TNFSF8: variants seen among roughly 807,000 people sequenced by gnomAD.
TNFSF8 encodes the protein TNF superfamily member 8, also known as tumor necrosis factor ligand superfamily member 8.
A neutral mutation model predicts 22.0 loss-of-function variants in TNFSF8; 4 were observed. The ratio of observed to expected loss-of-function variants is 0.18; its 90% CI spans 0.09 to 0.42. TNFSF8 has a LOEUF of 0.42. TNFSF8 is among the 10% of genes least tolerant of loss of function. TNFSF8 has a pLI of 1.00. For synonymous variants in TNFSF8, 106 were observed against 112.5 expected, an observed-to-expected ratio of 0.94 and a Z score of 0.37; for missense variants, 233 against 281.8, an observed-to-expected ratio of 0.83 and a Z score of 1.24.
intron 1 of TNFSF8, among the ~76,000 whole-genome samples, chr9:114,922,978 A>G (rs959863887): frequency 2.0e-5 from 3 of 152,150 alleles, no homozygotes; most frequent in Admixed American, 2.0e-4. Flanking sequence ...TCAGTAGGCA[A>G]TCAGAACACC....
At chr9:114,897,653 C>A (rs1006632383), downstream of TNFSF8, among the ~76,000 whole-genome samples, 2 of 152,124 alleles carry the variant, frequency 1.3e-5, no homozygotes, top group African/African-American at 4.8e-5. Context: ...AAGAGTGTGA[C>A]AGGAGTATCC....
intron 1 of TNFSF8, among the ~76,000 whole-genome samples, chr9:114,924,088 A>G (rs1371634210): frequency 6.6e-6 from 1 of 152,250 alleles, no homozygotes; most frequent in Non-Finnish European, 1.5e-5. Flanking sequence ...CTTTAAAAAA[A>G]GGTCAATGTT....
chr9:114,896,785 A>G (rs546343912), downstream of TNFSF8, among the ~76,000 whole-genome samples: 1 of 152,348 alleles, frequency 6.6e-6, no homozygotes, highest in South Asian at 2.1e-4. Context: ...TAAAGTAAGC[A>G]AAGATTTATT....
intron 1 of TNFSF8, among the ~76,000 whole-genome samples, chr9:114,924,213 T>A (rs1239454321): frequency 6.6e-6 from 1 of 152,158 alleles, no homozygotes; most frequent in African/African-American, 2.4e-5. Flanking sequence ...ATTCAGGAGA[T>A]CTGGGGTGAG....
chr9:114,894,754 A>T (rs1160418522), intron 4 of TNFSF8, among the ~76,000 whole-genome samples: 1 of 152,240 alleles, frequency 6.6e-6, no homozygotes, highest in East Asian at 1.9e-4. Context: ...TTTACGTAAC[A>T]TAAAGCGGTT....
exon 5 of TNFSF8, chr9:114,893,991 G>T: frequency 1.8e-6 from 2 of 1,098,984 alleles, no homozygotes; most frequent in Non-Finnish European, 2.7e-6. Flanking sequence ...CAGAGTGACT[G>T]GTACCATCAA....
intron 1 of TNFSF8, among the ~76,000 whole-genome samples, chr9:114,927,449 T>A (rs998930993): frequency 6.6e-6 from 1 of 152,210 alleles, no homozygotes; most frequent in African/African-American, 2.4e-5. Context: ...CTCTCCTCTG[T>A]CTCTTTGCTC....
chr9:114,918,325 T>C (rs1322392598), intron 1 of TNFSF8, among the ~76,000 whole-genome samples, 187 bp from the exon 2 acceptor site: 3 of 152,196 alleles, frequency 2.0e-5, no homozygotes, highest in Admixed American at 2.0e-4. Context: ...TTTGACAATC[T>C]ATTAGAAATG....
chr9:114,902,563 C>T lies in TNFSF8; in HGVS notation c.*1368G>A. On this transcript the variant is annotated 3_prime_UTR_variant, in exon 4 of 4. Coordinates refer to ENST00000223795, the MANE Select transcript of TNFSF8 (RefSeq NM_001244.4). ...GTGTGGTAGTTCTTTCCATTACATC[C>T]TTGAGATCCTGCTGTTCACACCATT... 1 of 985,426 alleles carries T rather than the reference C, an allele frequency of 1.0e-6. No homozygotes were observed. Among genetic ancestry groups the T allele is most frequent in the African/African-American group, 1.7e-5 (1 of 57,344 alleles). The allele number at this position is 985,426 out of a possible 1,614,324, so 61.0% of individuals were successfully genotyped here.
intron 1 of TNFSF8, among the ~76,000 whole-genome samples, chr9:114,919,748 C>A (rs1432186499): frequency 6.6e-6 from 1 of 152,178 alleles, no homozygotes; most frequent in Non-Finnish European, 1.5e-5. Context: ...TCTGTATGAA[C>A]ACTAGGACCA....
At chr9:114,915,080 C>T (rs138687284) in intron 2 of TNFSF8, among the ~76,000 whole-genome samples, 16 of 152,256 alleles carry the variant, frequency 1.1e-4, no homozygotes, top group African/African-American at 3.6e-4. Flanking sequence ...TAGTGACAAA[C>T]CACATGCTGC....
At chr9:114,905,797 A>G in intron 3 of TNFSF8, 31 bp downstream of exon 3, 3 of 1,566,408 alleles carry the variant, frequency 1.9e-6, no homozygotes, top group Non-Finnish European at 2.6e-6. Flanking sequence ...CGGTTTTCAT[A>G]TGTTTAGGTT....
exon 5 of TNFSF8, chr9:114,893,894 A>T: frequency 1.8e-6 from 1 of 558,690 alleles, no homozygotes; most frequent in South Asian, 2.2e-5. Context: ...GCCAGGAAGT[A>T]TTGGGCCACG....
chr9:114,898,249 G>C (rs943612832), downstream of TNFSF8, among the ~76,000 whole-genome samples: 1 of 152,040 alleles, frequency 6.6e-6, no homozygotes, highest in Non-Finnish European at 1.5e-5. Flanking sequence ...TGATCCGCCC[G>C]CCTCGACCTC....
intron 1 of TNFSF8, among the ~76,000 whole-genome samples, chr9:114,920,728 G>A (rs552135785): frequency 6.6e-6 from 1 of 152,242 alleles, no homozygotes; most frequent in East Asian, 1.9e-4. Flanking sequence ...GAGTGCAGTG[G>A]CGCAATCTCG....
chr9:114,927,507 T>A (rs1405831386), intron 1 of TNFSF8, among the ~76,000 whole-genome samples: 1 of 152,228 alleles, frequency 6.6e-6, no homozygotes, highest in Non-Finnish European at 1.5e-5. Flanking sequence ...TTCCCTTCCC[T>A]GCCTGTTTGA....
At chr9:114,906,794 G>T (rs1827790643) in intron 2 of TNFSF8, among the ~76,000 whole-genome samples, 1 of 152,036 alleles carries the variant, frequency 6.6e-6, no homozygotes, top group Non-Finnish European at 1.5e-5. Flanking sequence ...TTAATATTTT[G>T]TATGCAAAGA....
In TNFSF8 at chr9:114,902,840, T is replaced by A; in HGVS notation, c.*1091A>T. 1 of 788,362 alleles carries A rather than the reference T, an allele frequency of 1.3e-6. No individual in the cohort carries two copies. Among genetic ancestry groups the A allele is most frequent in the Non-Finnish European group, 1.5e-6 (1 of 650,250 alleles). 48.8% of individuals were successfully genotyped at this position (788,362 alleles called of 1,614,324 possible). On this transcript the variant is annotated 3_prime_UTR_variant, in exon 4 of 4. Coordinates refer to ENST00000223795, the MANE Select transcript of TNFSF8 (RefSeq NM_001244.4). ...CCTGAGTTCCAGGGAGGGGAAGGTA[T>A]AGTGAATTCTTATAATTTTATGTTG...
At chr9:114,894,460 G>A (rs146229477) in intron 4 of TNFSF8, among the ~76,000 whole-genome samples, 126 of 152,302 alleles carry the variant, frequency 8.3e-4, no homozygotes, top group African/African-American at 2.7e-3. Flanking sequence ...GAATCAGCAG[G>A]CACCAGGTCA....
Sources: gnomAD v4.1 joint callset for allele counts (sites outside exome capture counted in the v4.1 genomes callset) on GRCh38, gnomAD v4.1.1 for gene constraint, MANE v1.5 for transcripts, NCBI Gene and HGNC (gene_info 2026-07-23, HGNC 2026-07-21) for gene names.